NLN: variants seen among roughly 807,000 people sequenced by gnomAD.
NLN encodes neurolysin, mitochondrial.
In NLN, 64 loss-of-function variants were observed where a neutral mutation model predicts 79.9. The ratio of observed to expected loss-of-function variants is 0.80; its 90% CI spans 0.65 to 0.99. The LOEUF (loss-of-function observed/expected upper bound fraction) is 0.99. NLN is among the 50% of genes least tolerant of loss of function. The probability of loss-of-function intolerance (pLI) is 0.00; values close to 1 mark genes in which losing one functional copy is unlikely to be tolerated. For missense variants in NLN, 835 were observed against 858.7 expected (o/e 0.97, Z 0.34); for synonymous variants, 267 against 296.6 (o/e 0.90, Z 1.02).
chr5:65,770,179 T>C (rs906218160), intron 3 of NLN, among the ~76,000 whole-genome samples: 1 of 152,222 alleles, frequency 6.6e-6, no homozygotes, highest in Non-Finnish European at 1.5e-5. Context: ...AACTGCTAAC[T>C]ATGAAATATA....
intron 1 of NLN, among the ~76,000 whole-genome samples, chr5:65,745,458 G>C (rs369162656): frequency 2.2e-4 from 33 of 152,296 alleles, no homozygotes; most frequent in African/African-American, 7.5e-4. Context: ...TCAGGCTTGG[G>C]TTTGAATCCC....
In NLN at chr5:65,809,635, A is replaced by G. The variant is rs746299322; in HGVS notation, c.1648A>G (p.Lys550Glu). The G allele has an allele frequency of 6.8e-6, 11 of 1,613,956 alleles. No homozygotes were observed. In the African/African-American group the frequency reaches 1.1e-4, roughly 16 times the overall value. ...DSLRRLSKHY[K>E]DGSPIADDLL... is the part of the protein sequence containing the mutation. ...CCTCCGAAGATTGTCAAAACATTAT[A>G]AAGATGGAAGCCCTATTGCAGACGA... The change falls in exon 10 of 13, where the codon AAA becomes GAA. Residue 550 changes from lysine (K) to glutamate (E), a missense_variant. By Grantham distance (56) the Lys-to-Glu change is moderately conservative. Coordinates refer to ENST00000380985, the MANE Select transcript of NLN (RefSeq NM_020726.5).
At chr5:65,802,141 TTGGGCCCAC>T (rs941661126) in intron 9 of NLN, among the ~76,000 whole-genome samples, 2 of 152,232 alleles carry the variant, frequency 1.3e-5, no homozygotes, top group Non-Finnish European at 2.9e-5. Context: ...CAGGTTTTGC[TTGGGCCCAC>T]TGGGCCCACT....
chr5:65,779,015 A>C (rs1759739101), intron 4 of NLN, among the ~76,000 whole-genome samples: 4 of 152,192 alleles, frequency 2.6e-5, no homozygotes, highest in Admixed American at 2.0e-4. Context: ...AGTTGCAGAT[A>C]GGATCAGGTC....
rs1267711292 is a variant in NLN, at chr5:65,822,993, GGA to G, written c.*80_*81del. On this transcript the variant is annotated 3_prime_UTR_variant, in exon 13 of 13. Coordinates refer to ENST00000380985, the MANE Select transcript of NLN (RefSeq NM_020726.5). ...TGTGTTACTGGCCTGGAAACTGAAG[GGA>G]GTTTTGCAAGTGAAAATTTAGATTT... The G allele has an allele frequency of 8.5e-7, 1 of 1,181,920 alleles. No individual in the cohort carries two copies. Among genetic ancestry groups the G allele is most frequent in the African/African-American group, 1.5e-5 (1 of 64,584 alleles). 73.2% of individuals were successfully genotyped at this position (1,181,920 alleles called of 1,614,324 possible).
chr5:65,729,320 T>A (rs1192052982), intron 1 of NLN, among the ~76,000 whole-genome samples: 2 of 148,172 alleles, frequency 1.3e-5, no homozygotes, highest in African/African-American at 5.3e-5. Flanking sequence ...AAGAGCTAGG[T>A]TGACATTATT....
intron 3 of NLN, among the ~76,000 whole-genome samples, chr5:65,776,316 T>C (rs1759678639): frequency 6.6e-6 from 1 of 152,208 alleles, no homozygotes; most frequent in African/African-American, 2.4e-5. Flanking sequence ...AAGTAGTATT[T>C]AGTTAAAATA....
In NLN at chr5:65,809,701, G is replaced by C. The variant is rs762379209; in HGVS notation, c.1714G>C (p.Gly572Arg). The part of the protein sequence containing the change: ...KLVASRLVNT[G>R]LLTLRQIVLS... Reference sequence around the variant, plus strand: ...TGTTGCTTCTAGGCTGGTCAACACAGGTATGACTTCTAATTTTAAAAAGGA... The same window carrying C: ...TGTTGCTTCTAGGCTGGTCAACACACGTATGACTTCTAATTTTAAAAAGGA... The change falls in exon 10 of 13, where the codon GGT becomes CGT. Residue 572 changes from glycine to arginine, a missense_variant and splice_region_variant. Gly to Arg is a moderately radical substitution (Grantham distance 125, BLOSUM62 -2). Coordinates refer to ENST00000380985, the MANE Select transcript of NLN (RefSeq NM_020726.5). 6.4e-7 allele frequency: 1 copy of C among 1,565,948 alleles called. No individual in the cohort carries two copies. Among genetic ancestry groups the C allele is most frequent in the Non-Finnish European group, 8.6e-7 (1 of 1,159,904 alleles).
chr5:65,775,087 G>T (rs1373228117), intron 3 of NLN, among the ~76,000 whole-genome samples: 1 of 152,012 alleles, frequency 6.6e-6, no homozygotes, highest in African/African-American at 2.4e-5. Context: ...CCTTCTACCT[G>T]TTTGCACCTG....
chr5:65,772,088 T>A (rs1484146773), intron 3 of NLN, among the ~76,000 whole-genome samples: 1 of 152,136 alleles, frequency 6.6e-6, no homozygotes, highest in East Asian at 1.9e-4. Flanking sequence ...AAACTTACAA[T>A]TTTTTTGGGG....
At chr5:65,770,318 A>G (rs1167690976) in intron 3 of NLN, among the ~76,000 whole-genome samples, 2 of 152,238 alleles carry the variant, frequency 1.3e-5, no homozygotes. Flanking sequence ...ATAAAGAACT[A>G]CTACAATCAA....
In NLN at chr5:65,769,384, G is replaced by C. The variant is rs558005310; in HGVS notation, c.450+6276G>C. ...TCAATAATGACTTAATTGTACATTT[G>C]GAAATAACAAAGTATAACTGGATTG... On this transcript the variant is annotated intron_variant, in intron 3 of 12. Transcript: ENST00000380985. 2.4e-4 allele frequency among the ~76,000 whole-genome samples: 37 copies of C among 152,208 alleles called. 1 individual carries two copies. Among genetic ancestry groups the C allele is most frequent in the Non-Finnish European group, 4.9e-4 (33 of 68,000 alleles).
intron 12 of NLN, among the ~76,000 whole-genome samples, chr5:65,813,958 C>T (rs1470144868): frequency 6.6e-6 from 1 of 151,840 alleles, no homozygotes; most frequent in African/African-American, 2.4e-5. Flanking sequence ...GAATGAGTAC[C>T]TTCATCTTTC....
At chr5:65,788,591 T>TG in intron 8 of NLN, 107 bp downstream of exon 8, 2 of 1,129,726 alleles carry the variant, frequency 1.8e-6, no homozygotes, top group Non-Finnish European at 2.6e-6. Flanking sequence ...ATCCCAACAC[T>TG]TTGGGAGGCC....
chr5:65,791,582 G>A (rs546939543), intron 8 of NLN, among the ~76,000 whole-genome samples: 1 of 152,152 alleles, frequency 6.6e-6, no homozygotes. Context: ...AAATTAACCA[G>A]CGTGGTGTTG....
chr5:65,771,496 T>C (rs965664918), intron 3 of NLN, among the ~76,000 whole-genome samples: 2 of 152,252 alleles, frequency 1.3e-5, no homozygotes, highest in African/African-American at 4.8e-5. Context: ...TTATGCAAGC[T>C]AAATTTGAGA....
At chr5:65,780,691 T>C (rs988575400) in intron 5 of NLN, among the ~76,000 whole-genome samples, 12 of 152,256 alleles carry the variant, frequency 7.9e-5, no homozygotes, top group Non-Finnish European at 1.8e-4. Context: ...TTTTCTTTTT[T>C]TGAGACGGAG....
chr5:65,801,041 A>T (rs1394527990), intron 9 of NLN, among the ~76,000 whole-genome samples: 5 of 152,054 alleles, frequency 3.3e-5, no homozygotes, highest in Non-Finnish European at 5.9e-5. Context: ...CTTCTAACCA[A>T]ACAGGAATCT....
chr5:65,764,259 C>CA (rs112563797), intron 3 of NLN, among the ~76,000 whole-genome samples: 4,391 of 152,200 alleles, frequency 0.029, 225 homozygotes, highest in African/African-American at 0.1. Context: ...TGAATGTTAT[C>CA]AAGATATGAA....
Sources: allele counts gnomAD v4.1 joint callset (sites outside exome capture counted in the v4.1 genomes callset), GRCh38; gene constraint gnomAD v4.1.1; transcripts MANE v1.5; gene names NCBI Gene and HGNC (gene_info 2026-07-23, HGNC 2026-07-21).